Variants in LAMA2 observed in about 807,000 individuals in gnomAD.
The protein encoded by LAMA2 is laminin subunit alpha-2.
Under a neutral mutation model 364.8 loss-of-function variants are expected in LAMA2, and 269 were observed. The ratio of observed to expected loss-of-function variants is 0.74; its 90% confidence interval spans 0.67 to 0.82. LAMA2 has a LOEUF of 0.82. LAMA2 is among the 40% of genes least tolerant of loss of function. The pLI, the probability that LAMA2 is intolerant of heterozygous loss-of-function variation, is 0.00. For synonymous variants in LAMA2, 1,379 were observed against 1,370.6 expected (o/e 1.01, Z -0.14); for missense variants, 3,807 against 3,873.2 (o/e 0.98, Z 0.45).
At chr6:129,387,735 A>T (rs1779094948) in intron 35 of LAMA2, among the ~76,000 whole-genome samples, 2 of 152,206 alleles carry the variant, frequency 1.3e-5, no homozygotes, top group Admixed American at 1.3e-4. Flanking sequence ...AAAGAATGAT[A>T]TCATGTCCTT....
chr6:129,031,499 C>G (rs1326601254), intron 1 of LAMA2, among the ~76,000 whole-genome samples: 1 of 152,140 alleles, frequency 6.6e-6, no homozygotes, highest in Non-Finnish European at 1.5e-5. Context: ...TTCAAAGTGA[C>G]TCACGAAAAG....
chr6:129,465,442 G>A (rs999675381), intron 51 of LAMA2, among the ~76,000 whole-genome samples, 153 bp downstream of exon 51: 3 of 151,880 alleles, frequency 2.0e-5, no homozygotes, highest in Admixed American at 1.3e-4. Context: ...TTAGATTATA[G>A]GTGATTTGGG....
At chr6:129,155,454 T>G (rs1378302984) in intron 8 of LAMA2, among the ~76,000 whole-genome samples, 2 of 152,126 alleles carry the variant, frequency 1.3e-5, no homozygotes, top group Admixed American at 1.3e-4. Context: ...GGCATCTGAT[T>G]ATGGATTTAA....
chr6:129,218,137 A>G (rs1783547722), intron 12 of LAMA2, among the ~76,000 whole-genome samples: 2 of 152,190 alleles, frequency 1.3e-5, no homozygotes, highest in South Asian at 4.1e-4. Context: ...TTAACTTTTA[A>G]TATATCAAAA....
chr6:129,139,743 G>A (rs537399851), intron 4 of LAMA2, among the ~76,000 whole-genome samples: 14 of 152,064 alleles, frequency 9.2e-5, no homozygotes, highest in Admixed American at 6.6e-4. Context: ...GTCCCCAGAT[G>A]TCTCAGCCAC....
Position 129,291,621 on chromosome 6 carries a change from C to T in LAMA2, c.2757C>T (p.Arg919=). 6.2e-7 allele frequency: 1 copy of T among 1,613,508 alleles called. No homozygotes were observed. Among genetic ancestry groups the T allele is most frequent in the Non-Finnish European group, 8.5e-7 (1 of 1,179,422 alleles). The change falls in exon 20 of 65, where the codon CGC becomes CGT. Residue 919 remains arginine, a synonymous_variant. Transcript: ENST00000421865. ...TCTCTCTTCTCTTTGCAGCCTGTCGCTGTAATGCCGGTGGCTCTTTCTCTG... is the reference window on the plus strand; with the variant it reads ...TCTCTCTTCTCTTTGCAGCCTGTCGTTGTAATGCCGGTGGCTCTTTCTCTG... ...AVDAKNCQPC[R]CNAGGSFSEV...
chr6:129,166,664 C>T (rs1779760500), intron 9 of LAMA2, among the ~76,000 whole-genome samples: 2 of 152,128 alleles, frequency 1.3e-5, no homozygotes, highest in South Asian at 4.1e-4. Flanking sequence ...TTTAACTCTT[C>T]CCTACCCCTT....
At chr6:129,215,760 T>C (rs1208862353) in intron 12 of LAMA2, among the ~76,000 whole-genome samples, 4 of 152,160 alleles carry the variant, frequency 2.6e-5, no homozygotes, top group Middle Eastern at 3.2e-3. Context: ...TTCTTTAATC[T>C]AATAACTCAT....
At chr6:129,334,477 T>C (rs1775833251) in intron 29 of LAMA2, among the ~76,000 whole-genome samples, 2 of 152,206 alleles carry the variant, frequency 1.3e-5, no homozygotes, top group African/African-American at 4.8e-5. Context: ...ATGATAATGA[T>C]GATCATAAAG....
chr6:129,035,193 G>C (rs570907889), intron 1 of LAMA2, among the ~76,000 whole-genome samples: 1 of 151,608 alleles, frequency 6.6e-6, no homozygotes, highest in East Asian at 1.9e-4. Context: ...TGTATGACTT[G>C]GTATCTCATT....
At chr6:129,326,646 A>G (rs1379631408) in intron 28 of LAMA2, among the ~76,000 whole-genome samples, 1 of 149,484 alleles carries the variant, frequency 6.7e-6, no homozygotes, top group Admixed American at 6.7e-5. Flanking sequence ...TCATAGTAAC[A>G]CACATGCATG....
At chr6:129,315,332 C>A in intron 24 of LAMA2, 144 bp from the exon 25 acceptor site, 2 of 693,668 alleles carry the variant, frequency 2.9e-6, no homozygotes, top group Non-Finnish European at 2.5e-6. Context: ...CCATGCTTGC[C>A]CACTGCGTGT....
intron 30 of LAMA2, among the ~76,000 whole-genome samples, chr6:129,344,052 C>T (rs1360617230): frequency 1.3e-5 from 2 of 151,774 alleles, no homozygotes; most frequent in African/African-American, 4.8e-5. Context: ...TCCTTAAATA[C>T]CAGTCTAAGA....
intron 54 of LAMA2, among the ~76,000 whole-genome samples, chr6:129,480,980 C>T (rs955191611): frequency 1.3e-5 from 2 of 152,008 alleles, no homozygotes; most frequent in Non-Finnish European, 2.9e-5. Context: ...AAAAAAGGTA[C>T]CTAACAGTGA....
chr6:129,466,032 G>C (rs1040840198), intron 51 of LAMA2, among the ~76,000 whole-genome samples: 12 of 151,798 alleles, frequency 7.9e-5, no homozygotes, highest in African/African-American at 2.9e-4. Flanking sequence ...AATATAAATA[G>C]ACTCAATTAA....
At chr6:128,946,856 T>C (rs1282254276) in intron 1 of LAMA2, among the ~76,000 whole-genome samples, 1 of 151,768 alleles carries the variant, frequency 6.6e-6, no homozygotes, top group East Asian at 1.9e-4. Context: ...CTGCTAACAT[T>C]TGATAAGTAG....
intron 4 of LAMA2, among the ~76,000 whole-genome samples, chr6:129,120,480 G>T (rs1280954594): frequency 6.6e-6 from 1 of 152,120 alleles, no homozygotes; most frequent in African/African-American, 2.4e-5. Flanking sequence ...AAGTAAAAAT[G>T]TATAATTATT....
At chr6:128,899,898 A>G (rs1267556443) in intron 1 of LAMA2, among the ~76,000 whole-genome samples, 1 of 152,102 alleles carries the variant, frequency 6.6e-6, no homozygotes, top group African/African-American at 2.4e-5. Flanking sequence ...TTTGGATGAG[A>G]ATTATACTAC....
chr6:129,445,939 C>A, intron 45 of LAMA2, 118 bp downstream of exon 45: 2 of 1,009,134 alleles, frequency 2.0e-6, no homozygotes, highest in Non-Finnish European at 1.5e-6. Context: ...TCCTTTAACT[C>A]GAAGCGATTT....
Sources: allele counts gnomAD v4.1 joint callset (sites outside exome capture counted in the v4.1 genomes callset), GRCh38; gene constraint gnomAD v4.1.1; transcripts MANE v1.5; gene names NCBI Gene and HGNC (gene_info 2026-07-23, HGNC 2026-07-21).